Variants in VPS13C observed in about 807,000 individuals in gnomAD.
VPS13C encodes vacuolar protein sorting 13 homolog C.
Under a neutral mutation model 456.8 loss-of-function variants are expected in VPS13C, and 358 were observed. The observed-to-expected ratio is 0.78, with a 90% CI of 0.72 to 0.86. The LOEUF (loss-of-function observed/expected upper bound fraction) is 0.86, where lower values mean the gene tolerates loss of function less well. Among genes scored for constraint, VPS13C ranks in the 40% least tolerant of loss-of-function variants. The pLI is 0.00. For missense variants in VPS13C, 4,818 were observed against 4,385.4 expected, an observed-to-expected ratio of 1.10 and a Z score of -2.79; for synonymous variants, 1,578 against 1,486.7, an observed-to-expected ratio of 1.06 and a Z score of -1.41.
At chr15:62,018,987 G>C (rs1305278595) in intron 9 of VPS13C, among the ~76,000 whole-genome samples, 1 of 152,142 alleles carries the variant, frequency 6.6e-6, no homozygotes, top group Non-Finnish European at 1.5e-5. Flanking sequence ...TCTATTCAGA[G>C]ATTCAACTTC....
chr15:61,893,911 A>G (rs1442711670), intron 66 of VPS13C, among the ~76,000 whole-genome samples: 1 of 152,148 alleles, frequency 6.6e-6, no homozygotes, highest in Non-Finnish European at 1.5e-5. Context: ...TAAATATACT[A>G]AAAATGCAAA....
chr15:61,859,439 C>G (rs190261597), intron 82 of VPS13C, among the ~76,000 whole-genome samples: 19 of 152,210 alleles, frequency 1.2e-4, no homozygotes, highest in Admixed American at 1.2e-3. Context: ...AAACCTAAAC[C>G]CTTAGAATCT....
intron 19 of VPS13C, 88 bp from the exon 20 acceptor site, chr15:61,984,100 CTT>C: frequency 8.0e-7 from 1 of 1,251,258 alleles, no homozygotes; most frequent in Non-Finnish European, 1.1e-6. Context: ...TTAAAAACGT[CTT>C]TGAGAACCAG....
At chr15:62,015,695 A>G (rs2047213311) in intron 9 of VPS13C, among the ~76,000 whole-genome samples, 2 of 134,630 alleles carry the variant, frequency 1.5e-5, no homozygotes, top group Non-Finnish European at 3.1e-5. Context: ...CAAACACCGC[A>G]TATTCTCACT....
intron 45 of VPS13C, among the ~76,000 whole-genome samples, chr15:61,945,141 CCAT>C (rs2140271185): frequency 6.6e-6 from 1 of 152,338 alleles, no homozygotes; most frequent in Non-Finnish European, 1.5e-5. Context: ...TCCCCTTCCA[CCAT>C]GATTCAGTTT....
intron 49 of VPS13C, among the ~76,000 whole-genome samples, chr15:61,931,658 T>G (rs1260129003): frequency 6.6e-6 from 1 of 150,638 alleles, no homozygotes; most frequent in Non-Finnish European, 1.5e-5. Context: ...GCTCACTGCA[T>G]CCTCCACCTC....
Position 61,936,606 on chromosome 15 carries a change from G to C in VPS13C, c.5746C>G (p.His1916Asp). The change falls in exon 48 of 85, where the codon CAT (histidine) becomes GAT (aspartate). Residue 1916 changes from histidine (H) to aspartate (D), a missense_variant. Coordinates refer to ENST00000644861, the MANE Select transcript of VPS13C (RefSeq NM_020821.3). ...RKVDVSSVPD[H>D]LKEQEDWTDS... ...TATCATCAATTTATACCTTTGAGATGGTCAGGTACACTTGAAACATCAACT... is the reference window on the plus strand; with the variant it reads ...TATCATCAATTTATACCTTTGAGATCGTCAGGTACACTTGAAACATCAACT... 6.4e-7 allele frequency: 1 copy of C among 1,564,834 alleles called. No homozygotes were observed. The highest frequency in any genetic ancestry group is 8.6e-7 in the Non-Finnish European group (1 of 1,159,514).
chr15:61,951,089 C>A (rs2044774997), intron 39 of VPS13C, 65 bp from the exon 40 acceptor site: 10 of 1,028,188 alleles, frequency 9.7e-6, no homozygotes, highest in African/African-American at 1.6e-5. Context: ...AAAACAGGAC[C>A]AGCCAAATGT....
intron 81 of VPS13C, chr15:61,864,748 C>T: frequency 2.0e-6 from 2 of 985,446 alleles, no homozygotes; most frequent in Non-Finnish European, 2.4e-6. Context: ...GCAGATTTCA[C>T]AGCAATAGCT....
At chr15:61,976,690 T>A (rs535602094) in intron 24 of VPS13C, among the ~76,000 whole-genome samples, 42 of 152,156 alleles carry the variant, frequency 2.8e-4, no homozygotes, top group African/African-American at 1.0e-3. Flanking sequence ...AAAAACAGTA[T>A]AAACATTTCA....
At chr15:61,900,295 T>C (rs1324859210) in intron 66 of VPS13C, among the ~76,000 whole-genome samples, 1 of 152,208 alleles carries the variant, frequency 6.6e-6, no homozygotes, top group East Asian at 1.9e-4. Context: ...CTAAAGGGTA[T>C]TCAATTAGGA....
At chr15:61,944,922 G>A (rs2140270446) in intron 45 of VPS13C, among the ~76,000 whole-genome samples, 1 of 152,288 alleles carries the variant, frequency 6.6e-6, no homozygotes, top group South Asian at 2.1e-4. Flanking sequence ...ATGTGATATG[G>A]TCTGGCTCTG....
At chr15:61,904,187 A>G (rs36056548) in intron 66 of VPS13C, among the ~76,000 whole-genome samples, 8,756 of 152,196 alleles carry the variant, frequency 0.058, 314 homozygotes, top group Non-Finnish European at 0.081. Context: ...CAAAGTAGAG[A>G]CAACAAACCG....
At chr15:61,966,001 T>C (rs1278361011) in intron 30 of VPS13C, 82 bp downstream of exon 30, 2 of 1,015,222 alleles carry the variant, frequency 2.0e-6, no homozygotes, top group Admixed American at 4.8e-5. Flanking sequence ...AATTACCTAG[T>C]CAATACTCCT....
intron 79 of VPS13C, among the ~76,000 whole-genome samples, chr15:61,870,105 A>C (rs1894906033): frequency 1.3e-5 from 2 of 152,232 alleles, no homozygotes; most frequent in Non-Finnish European, 2.9e-5. Flanking sequence ...AAATGTACAA[A>C]TTAAATTTTA....
intron 66 of VPS13C, among the ~76,000 whole-genome samples, chr15:61,903,317 C>G (rs2043059281): frequency 6.6e-6 from 1 of 151,522 alleles, no homozygotes; most frequent in Non-Finnish European, 1.5e-5. Context: ...GCCCAGGTGA[C>G]AGAGCGAGAC....
intron 9 of VPS13C, among the ~76,000 whole-genome samples, chr15:62,017,561 G>C (rs1184462818): frequency 1.3e-5 from 2 of 152,112 alleles, no homozygotes; most frequent in East Asian, 1.9e-4. Context: ...CCCATTGCTT[G>C]TTTTCGTCAG....
chr15:62,058,812 G>A (rs2140826414), intron 1 of VPS13C, among the ~76,000 whole-genome samples: 1 of 152,126 alleles, frequency 6.6e-6, no homozygotes, highest in East Asian at 1.9e-4. Flanking sequence ...AGCACTTTGG[G>A]AGGCTGAGGC....
intron 66 of VPS13C, among the ~76,000 whole-genome samples, chr15:61,906,174 C>T (rs1048174698): frequency 6.6e-6 from 1 of 152,104 alleles, no homozygotes; most frequent in Admixed American, 6.6e-5. Context: ...TTTGAACTCC[C>T]CTGTCATGTC....
Sources: gnomAD v4.1 joint callset for allele counts (sites outside exome capture counted in the v4.1 genomes callset) on GRCh38, gnomAD v4.1.1 for gene constraint, MANE v1.5 for transcripts, NCBI Gene and HGNC (gene_info 2026-07-23, HGNC 2026-07-21) for gene names.